Variants in ATXN2L observed in about 807,000 individuals in gnomAD.
The protein encoded by ATXN2L is ataxin-2-like protein.
ATXN2L carries 24 observed loss-of-function variants against 120.7 expected under a neutral mutation model. The ratio of observed to expected loss-of-function variants is 0.20; its 90% confidence interval spans 0.14 to 0.28. The LOEUF (loss-of-function observed/expected upper bound fraction) is 0.28, where lower values mean the gene tolerates loss of function less well. ATXN2L is among the 10% of genes least tolerant of loss of function. The pLI, the probability that ATXN2L is intolerant of heterozygous loss-of-function variation, is 1.00. For synonymous variants in ATXN2L, 653 were observed against 568.1 expected (o/e 1.15, Z -2.13); for missense variants, 1,312 against 1,432.3 (o/e 0.92, Z 1.36).
chr16:28,830,514 G>T (rs1432604817), intron 8 of ATXN2L, 101 bp from the exon 9 acceptor site: 2 of 1,178,414 alleles, frequency 1.7e-6, no homozygotes, highest in East Asian at 2.4e-5. Flanking sequence ...GTGTGTGTAT[G>T]TTTGGGGGCA....
In ATXN2L at chr16:28,823,257, A is replaced by G. The variant is rs762069653; in HGVS notation, c.-3A>G. 2.1e-6 allele frequency: 3 copies of G among 1,444,102 alleles called. No individual in the cohort carries two copies. The highest frequency in any genetic ancestry group is 2.9e-5 in the East Asian group (1 of 34,464). 89.5% of individuals were successfully genotyped at this position (1,444,102 alleles called of 1,614,324 possible). A position where few individuals can be genotyped will look rare whatever the true frequency, so the allele number is the denominator to read the frequency against. On this transcript the variant is annotated 5_prime_UTR_variant, in exon 1 of 22. Coordinates refer to ENST00000336783, the MANE Select transcript of ATXN2L (RefSeq NM_007245.4). The stretch of plus-strand genomic sequence containing the variant: ...TCTAATTCCCCTTCCGGACGCTGCC[A>G]TCATGTTGAAGCCTCAGCCGCTACA...
Position 28,836,849 on chromosome 16 carries a change from G to C in ATXN2L, c.*584G>C. On this transcript the variant is annotated 3_prime_UTR_variant, in exon 22 of 22. Transcript: ENST00000336783. ...GTGATCTATGTCTCTTCCCCCAGCA[G>C]CTCGGACCACTCCCAGCCCCCCATC... 1 of 1,565,120 alleles carries C rather than the reference G, an allele frequency of 6.4e-7. No individual in the cohort carries two copies. Among genetic ancestry groups the C allele is most frequent in the Non-Finnish European group, 8.8e-7 (1 of 1,140,110 alleles).
chr16:28,824,035 C>T (rs1376906519), intron 1 of ATXN2L: 14 of 934,302 alleles, frequency 1.5e-5, no homozygotes, highest in Non-Finnish European at 1.8e-5. Flanking sequence ...GGGTTGCTGC[C>T]TCCCCCTTCC....
rs2152119230 is a variant in ATXN2L, at chr16:28,835,706, T to C, written c.2843T>C (p.Ile948Thr). 1 of 1,614,008 alleles carries C rather than the reference T, an allele frequency of 6.2e-7. No individual in the cohort carries two copies. Among genetic ancestry groups the C allele is most frequent in the Middle Eastern group, 1.6e-4 (1 of 6,062 alleles). Residue 948 changes from isoleucine (I) to threonine (T), a missense_variant, in exon 21 of 22, where the codon ATC (isoleucine) becomes ACC (threonine). Ile to Thr is a moderately conservative substitution (Grantham distance 89, BLOSUM62 -1). Coordinates refer to ENST00000336783, the MANE Select transcript of ATXN2L (RefSeq NM_007245.4). The part of the protein sequence containing the change: ...SFPQPAAVYA[I>T]HHQQLPHGFT... ...CCCCAGCCAGCCGCTGTGTATGCCA[T>C]CCACCACCAGCAGCTGCCCCACGGC...
rs747179133 is a variant in ATXN2L, at chr16:28,825,697, C to T, written c.393+17C>T. ...GCTGTTGTGGTAAGTTGGTACTTAA[C>T]CCCCGGGTTGTTTAAGGAACGTAAT... is the stretch of plus-strand genomic sequence containing the variant. On this transcript the variant is annotated intron_variant, in intron 3 of 21. Coordinates refer to ENST00000336783, the MANE Select transcript of ATXN2L (RefSeq NM_007245.4). The T allele has an allele frequency of 1.9e-6, 3 of 1,613,950 alleles. No homozygotes were observed. The highest frequency in any genetic ancestry group is 1.7e-6 in the Non-Finnish European group (2 of 1,179,840).
At chr16:28,825,460 G>A in intron 2 of ATXN2L, 58 bp downstream of exon 2, 1 of 1,578,638 alleles carries the variant, frequency 6.3e-7, no homozygotes, top group Non-Finnish European at 8.7e-7. Context: ...GCATAATGTG[G>A]GAATATAGGG....
At position 28,836,576 on chromosome 16, in the gene ATXN2L, G is replaced by A. The variant is rs549702123; in HGVS notation, c.*311G>A. ...GGGCTCTGGCTTACTGGGAAACAGCGATTGACCTGTGCTTCTGACAGCCCC... is the reference window on the plus strand; with the variant it reads ...GGGCTCTGGCTTACTGGGAAACAGCAATTGACCTGTGCTTCTGACAGCCCC... On this transcript the variant is annotated 3_prime_UTR_variant, in exon 22 of 22. Transcript: ENST00000336783. 364 of 1,569,862 alleles carry A rather than the reference G, an allele frequency of 2.3e-4. 1 individual carries two copies. In the African/African-American group the frequency reaches 4.3e-3, roughly 19 times the overall value.
chr16:28,823,306 C>G lies in ATXN2L; in HGVS notation c.47C>G (p.Pro16Arg). 6 of 1,492,780 alleles carry G rather than the reference C, an allele frequency of 4.0e-6. No homozygotes were observed. The African/African-American group carries it at 4.4e-5, about 11-fold the overall frequency. The allele number at this position is 1,492,780 out of a possible 1,614,324, so 92.5% of individuals were successfully genotyped here. ...PLQQPSQPQQ[P>R]PPTQQAVARR... ...CAACAGCCCTCCCAGCCCCAGCAGC[C>G]GCCCCCCACGCAACAGGCCGTGGCC... The change falls in exon 1 of 22, where the codon CCG becomes CGG. Residue 16 changes from proline to arginine, a missense_variant. Physicochemically the swap from Pro to Arg is moderately radical, Grantham distance 103. Coordinates refer to ENST00000336783, the MANE Select transcript of ATXN2L (RefSeq NM_007245.4).
rs1234331008 is a variant in ATXN2L at position 28,836,116 on chromosome 16, C to A, written c.3079C>A (p.Pro1027Thr). ...TPSPYPYIGHPQGEQPGQAPG... is the reference protein window; with the variant it reads ...TPSPYPYIGHTQGEQPGQAPG... ...CTCACCCTACCCCTACATCGGACAC[C>A]CCCAAGGTGAGCAGCCTGGCCAGGC... Residue 1027 changes from proline (P) to threonine (T), a missense_variant, in exon 22 of 22, where the codon CCC (proline) becomes ACC (threonine). Physicochemically the swap from Pro to Thr is conservative, Grantham distance 38 (BLOSUM62 -1). Transcript: ENST00000336783. 2 of 1,614,034 alleles carry A rather than the reference C, an allele frequency of 1.2e-6. No homozygotes were observed. The highest frequency in any genetic ancestry group is 2.2e-5 in the East Asian group (1 of 44,878).
At chr16:28,833,395 G>A in intron 14 of ATXN2L, 41 bp downstream of exon 14, 1 of 1,614,058 alleles carries the variant, frequency 6.2e-7, no homozygotes, top group Non-Finnish European at 8.5e-7. Context: ...ATGGCAGGAG[G>A]GATGAGAGCA....
At chr16:28,825,730 C>T (rs372255075) in intron 3 of ATXN2L, 40 bp from the exon 4 acceptor site, 5 of 1,613,116 alleles carry the variant, frequency 3.1e-6, no homozygotes, top group Non-Finnish European at 4.2e-6. Flanking sequence ...AATGCATCTA[C>T]TTTCTGGAGA....
rs1162637090 is a variant in ATXN2L, at chr16:28,837,087, G to A, written c.*822G>A. The A allele has an allele frequency of 1.8e-6, 1 of 550,282 alleles. No individual in the cohort carries two copies. Among genetic ancestry groups the A allele is most frequent in the South Asian group, 1.5e-5 (1 of 64,612 alleles). 34.1% of individuals were successfully genotyped at this position (550,282 alleles called of 1,614,324 possible). On this transcript the variant is annotated 3_prime_UTR_variant, in exon 22 of 22. Transcript: ENST00000336783. ...CTATTATTTATAACTTCAGACTTGG[G>A]CCCCCTGTTCTTTCTTTCCCATTAA...
chr16:28,828,442 T>G (rs2053065192), intron 6 of ATXN2L, among the ~76,000 whole-genome samples: 1 of 151,974 alleles, frequency 6.6e-6, no homozygotes, highest in Non-Finnish European at 1.5e-5. Flanking sequence ...CAAAATTAGC[T>G]GGGCGTGGTG....
intron 13 of ATXN2L, 39 bp downstream of exon 13, chr16:28,832,926 G>C (rs1437950924): frequency 1.2e-6 from 2 of 1,610,654 alleles, no homozygotes; most frequent in Non-Finnish European, 1.7e-6. Flanking sequence ...CAGGGTAAAG[G>C]GGTTGGGAGT....
chr16:28,834,960 G>A (rs1437924352), intron 18 of ATXN2L, 98 bp from the exon 19 acceptor site: 3 of 1,462,416 alleles, frequency 2.1e-6, no homozygotes, highest in East Asian at 2.3e-5. Flanking sequence ...TAGGGTGATT[G>A]TGAGGAGGCC....
intron 8 of ATXN2L, among the ~76,000 whole-genome samples, 187 bp from the exon 9 acceptor site, chr16:28,830,428 A>G (rs1046365140): frequency 4.6e-5 from 7 of 152,176 alleles, no homozygotes; most frequent in African/African-American, 1.4e-4. Context: ...TTGATGTCAC[A>G]TGAGGTCATA....
In ATXN2L at chr16:28,823,466, C is replaced by T. The variant is rs2050318762; in HGVS notation, c.207C>T (p.Leu69=). 1.5e-6 allele frequency: 2 copies of T among 1,346,812 alleles called. No individual in the cohort carries two copies. The highest frequency in any genetic ancestry group is 3.8e-5 in the Admixed American group (1 of 26,542). 83.4% of individuals were successfully genotyped at this position (1,346,812 alleles called of 1,614,324 possible). A position where few individuals can be genotyped will look rare whatever the true frequency, so the allele number is the denominator to read the frequency against. ...CTGTGGCCGCTGCCGGGAGCGGGCT[C>T]CGCCGGGGAGCCGAAGGCATCTTGG... ...LGPVAAAGSG[L]RRGAEGILAP... The change falls in exon 1 of 22, where the codon CTC becomes CTT. Residue 69 remains leucine (L), a synonymous_variant. Transcript: ENST00000336783.
intron 2 of ATXN2L, 30 bp downstream of exon 2, chr16:28,825,432 T>A (rs2051505620): frequency 1.2e-6 from 2 of 1,609,648 alleles, no homozygotes. Flanking sequence ...CTGTTTAAGA[T>A]ACATAGACCT....
intron 1 of ATXN2L, chr16:28,824,158 C>A: frequency 9.8e-6 from 10 of 1,021,480 alleles, no homozygotes; most frequent in Non-Finnish European, 1.2e-5. Flanking sequence ...CGTACGTGCG[C>A]GTGGATGCTC....
Sources: gnomAD v4.1 joint callset for allele counts (sites outside exome capture counted in the v4.1 genomes callset) on GRCh38, gnomAD v4.1.1 for gene constraint, MANE v1.5 for transcripts, NCBI Gene and HGNC (gene_info 2026-07-23, HGNC 2026-07-21) for gene names.